SLC35F4: variants seen among roughly 807,000 people sequenced by gnomAD.
SLC35F4 encodes solute carrier family 35 member F4.
In SLC35F4, 24 loss-of-function variants were observed where a neutral mutation model predicts 44.2. The ratio of observed to expected loss-of-function variants is 0.54; its 90% CI spans 0.39 to 0.76. The LOEUF (loss-of-function observed/expected upper bound fraction) is 0.76, where lower values mean the gene tolerates loss of function less well. Among genes scored for constraint, SLC35F4 ranks in the 30% least tolerant of loss-of-function variants. The pLI, the probability that SLC35F4 is intolerant of heterozygous loss-of-function variation, is 0.00. For missense variants in SLC35F4, 562 were observed against 586.1 expected, an observed-to-expected ratio of 0.96 and a Z score of 0.42; for synonymous variants, 238 against 223.6, an observed-to-expected ratio of 1.06 and a Z score of -0.57.
At chr14:57,857,208 C>T (rs1457583868) in intron 1 of SLC35F4, among the ~76,000 whole-genome samples, 1 of 151,642 alleles carries the variant, frequency 6.6e-6, no homozygotes, top group Non-Finnish European at 1.5e-5. Flanking sequence ...ACCTGGGAGG[C>T]GGAGGTTGCA....
chr14:57,733,882 TC>T (rs1275201390), intron 1 of SLC35F4, among the ~76,000 whole-genome samples: 1 of 152,192 alleles, frequency 6.6e-6, no homozygotes, highest in African/African-American at 2.4e-5. Context: ...TTTACTGTAT[TC>T]CATGGCTTCC....
chr14:57,758,428 A>G (rs1000675130), intron 1 of SLC35F4, among the ~76,000 whole-genome samples: 2 of 151,996 alleles, frequency 1.3e-5, no homozygotes, highest in Non-Finnish European at 2.9e-5. Flanking sequence ...GATGCATATT[A>G]TCTTCTGTAA....
rs188152795 is a variant in SLC35F4 at position 57,643,380 on chromosome 14, T to C, written c.104-49256A>G. Among the ~76,000 whole-genome samples, 368 of 152,206 alleles carry C rather than the reference T, an allele frequency of 2.4e-3. 1 individual carries two copies. Among genetic ancestry groups the C allele is most frequent in the Non-Finnish European group, 3.1e-3 (210 of 67,982 alleles). The stretch of plus-strand genomic sequence containing the variant: ...AATAGTGCAATGCTAAAATAAATTA[T>C]CTTAAAATAAAATTCAGATCAATAA... On this transcript the variant is annotated intron_variant, in intron 1 of 7. Coordinates refer to ENST00000556826, the MANE Select transcript of SLC35F4 (RefSeq NM_001306087.2).
intron 1 of SLC35F4, among the ~76,000 whole-genome samples, chr14:57,822,426 TAGC>T (rs1184999777): frequency 6.6e-6 from 1 of 152,294 alleles, no homozygotes; most frequent in East Asian, 1.9e-4. Context: ...GGTAAGGAAT[TAGC>T]AGACAGTTGC....
At chr14:57,943,464 T>C (rs937501372) in intron 1 of SLC35F4, among the ~76,000 whole-genome samples, 4 of 152,360 alleles carry the variant, frequency 2.6e-5, no homozygotes, top group African/African-American at 9.6e-5. Context: ...TCATTTGTTG[T>C]GATATCTGTG....
chr14:57,730,392 G>A (rs2076314978), intron 1 of SLC35F4, among the ~76,000 whole-genome samples: 1 of 83,888 alleles, frequency 1.2e-5, no homozygotes, highest in South Asian at 7.3e-4. Context: ...CTGATGATCA[G>A]CGATGTTGAA....
chr14:57,664,248 C>T (rs1205128727), intron 1 of SLC35F4, among the ~76,000 whole-genome samples: 2 of 152,036 alleles, frequency 1.3e-5, no homozygotes, highest in East Asian at 3.9e-4. Flanking sequence ...CAAAATTGCT[C>T]AAGAATGACT....
At chr14:57,721,634 G>A (rs1705782730) in intron 1 of SLC35F4, among the ~76,000 whole-genome samples, 1 of 152,206 alleles carries the variant, frequency 6.6e-6, no homozygotes, top group Non-Finnish European at 1.5e-5. Flanking sequence ...CTGTTAAAGT[G>A]AAGAAAATTG....
intron 1 of SLC35F4, among the ~76,000 whole-genome samples, chr14:57,819,102 CATA>C (rs1882906370): frequency 6.6e-6 from 1 of 152,048 alleles, no homozygotes; most frequent in Non-Finnish European, 1.5e-5. Flanking sequence ...CTTGATTACA[CATA>C]ATATGATTGT....
Position 57,571,204 on chromosome 14 carries a change from G to A in SLC35F4, c.933+690C>T, listed in dbSNP as rs563156928. ...TTGACTTTAAAAGTAGAGCTTTGGG[G>A]AATAACTTTTTAGATCTGCTCTCTT... is the stretch of plus-strand genomic sequence containing the variant. On this transcript the variant is annotated intron_variant, in intron 5 of 7. Transcript: ENST00000556826. Among the ~76,000 whole-genome samples the A allele has an allele frequency of 5.3e-5, 8 of 152,242 alleles. No individual in the cohort carries two copies. In the East Asian group the frequency reaches 1.5e-3, roughly 29 times the overall value.
chr14:57,741,466 G>T lies in SLC35F4; in HGVS notation c.103+124257C>A, dbSNP rs188760419. On this transcript the variant is annotated intron_variant, in intron 1 of 7. Transcript: ENST00000556826. ...ATGCACAAGCTTCAATAGCCAATTC[G>T]ATCAAGTGGAAGAAAGGGTATCAGT... Among the ~76,000 whole-genome samples the T allele has an allele frequency of 7.1e-4, 108 of 152,222 alleles. 1 individual carries two copies. Among genetic ancestry groups the T allele is most frequent in the East Asian group, 6.6e-3 (34 of 5,180 alleles).
chr14:57,868,456 A>G (rs1352476883), upstream of SLC35F4, among the ~76,000 whole-genome samples: 1 of 151,452 alleles, frequency 6.6e-6, no homozygotes, highest in African/African-American at 2.4e-5. Flanking sequence ...CAATTTACAG[A>G]AATTATTTTG....
chr14:57,651,411 C>G (rs958659685), intron 1 of SLC35F4, among the ~76,000 whole-genome samples: 4 of 151,994 alleles, frequency 2.6e-5, no homozygotes, highest in Non-Finnish European at 5.9e-5. Context: ...CTGCCTCCAG[C>G]CCCATGAAGC....
intron 1 of SLC35F4, among the ~76,000 whole-genome samples, chr14:57,897,389 G>A (rs192131301): frequency 2.3e-4 from 35 of 151,998 alleles, no homozygotes; most frequent in African/African-American, 7.7e-4. Flanking sequence ...AAAGCACTGT[G>A]GTCATAAAAC....
intron 1 of SLC35F4, among the ~76,000 whole-genome samples, chr14:57,814,164 A>G (rs1882305342): frequency 2.0e-5 from 3 of 152,226 alleles, no homozygotes; most frequent in Admixed American, 1.3e-4. Context: ...TTTGCTAGCT[A>G]TCTCTTGATA....
chr14:57,788,602 C>G (rs1338417428), intron 1 of SLC35F4, among the ~76,000 whole-genome samples: 2 of 152,010 alleles, frequency 1.3e-5, no homozygotes, highest in African/African-American at 4.8e-5. Flanking sequence ...TGGAAATTAA[C>G]TCCAAAAGGA....
Position 57,669,656 on chromosome 14 carries a change from C to G in SLC35F4, c.104-75532G>C, listed in dbSNP as rs1335717253. On this transcript the variant is annotated intron_variant, in intron 1 of 7. Transcript: ENST00000556826. ...GTTTATTGATTTGCATCTGTTGAAC[C>G]AGCCTTGCATCCCAGGGATGAAGCC... 2.6e-5 allele frequency among the ~76,000 whole-genome samples: 4 copies of G among 152,074 alleles called. 1 individual carries two copies. The highest frequency in any genetic ancestry group is 9.7e-5 in the African/African-American group (4 of 41,338).
At chr14:57,933,485 G>T (rs1889739026) in intron 1 of SLC35F4, among the ~76,000 whole-genome samples, 1 of 152,080 alleles carries the variant, frequency 6.6e-6, no homozygotes, top group Non-Finnish European at 1.5e-5. Context: ...TGTTTAATCA[G>T]TGAGGGCCTC....
intron 1 of SLC35F4, among the ~76,000 whole-genome samples, chr14:57,801,629 T>C (rs528479462): frequency 6.6e-6 from 1 of 152,024 alleles, no homozygotes; most frequent in East Asian, 1.9e-4. Context: ...AATAAAGAGA[T>C]GGAGGAAAAT....
Sources: allele counts gnomAD v4.1 joint callset (sites outside exome capture counted in the v4.1 genomes callset), GRCh38; gene constraint gnomAD v4.1.1; transcripts MANE v1.5; gene names NCBI Gene and HGNC (gene_info 2026-07-23, HGNC 2026-07-21).